Variants in SLC39A11 observed in about 807,000 individuals in gnomAD.
SLC39A11 encodes the protein solute carrier family 39 member 11.
SLC39A11 carries 33 observed loss-of-function variants against 36.1 expected under a neutral mutation model. The observed-to-expected ratio is 0.91, with a 90% CI of 0.69 to 1.22. The LOEUF (loss-of-function observed/expected upper bound fraction) is 1.22. SLC39A11 is among the 50% of genes most tolerant of loss of function. The pLI is 0.00. For synonymous variants in SLC39A11, 166 were observed against 170.3 expected (o/e 0.97, Z 0.20); for missense variants, 432 against 430.3 (o/e 1.00, Z -0.03).
intron 5 of SLC39A11, among the ~76,000 whole-genome samples, chr17:72,867,790 GCA>G (rs1269068062): frequency 6.8e-5 from 10 of 147,222 alleles, no homozygotes; most frequent in Non-Finnish European, 1.0e-4. Context: ...ACACACACAC[GCA>G]CACACACCTA....
intron 7 of SLC39A11, among the ~76,000 whole-genome samples, chr17:72,668,208 A>T (rs1265124094): frequency 1.3e-5 from 2 of 152,168 alleles, no homozygotes; most frequent in Non-Finnish European, 2.9e-5. Flanking sequence ...CTTTTAAAAA[A>T]AAAAAAGAAG....
In SLC39A11 at chr17:72,825,652, C is replaced by T. The variant is rs138806953; in HGVS notation, c.601+23982G>A. On this transcript the variant is annotated intron_variant, in intron 6 of 9. Transcript: ENST00000255559. ...GAAAAGCAGCCAAGAGGCTGTACCG[C>T]GCAGAGCCAAAGGGGCGGAGATGTC... 3.7e-4 allele frequency among the ~76,000 whole-genome samples: 57 copies of T among 152,350 alleles called. 1 individual carries two copies. The highest frequency in any genetic ancestry group is 6.2e-4 in the South Asian group (3 of 4,824).
At chr17:72,666,470 G>A (rs2070760572) in intron 7 of SLC39A11, among the ~76,000 whole-genome samples, 1 of 152,208 alleles carries the variant, frequency 6.6e-6, no homozygotes, top group Non-Finnish European at 1.5e-5. Context: ...TGAATGCTTT[G>A]CCGCTGAATA....
intron 5 of SLC39A11, among the ~76,000 whole-genome samples, chr17:72,938,196 A>G (rs2084889306): frequency 1.3e-5 from 2 of 152,216 alleles, no homozygotes; most frequent in African/African-American, 2.4e-5. Context: ...GAATGCTAGC[A>G]TACCTGCCAC....
rs978397063 is a variant in SLC39A11 at position 72,941,952 on chromosome 17, C to T, written c.430+5800G>A. Among the ~76,000 whole-genome samples, 8 of 152,056 alleles carry T rather than the reference C, an allele frequency of 5.3e-5. No individual in the cohort carries two copies. The South Asian group carries it at 1.7e-3, about 32-fold the overall frequency. ...CTGGAGTGCAGTGGCACAATCTCAG[C>T]TCACTGCAGCCTCTGCCTCCTGGGT... is the stretch of plus-strand genomic sequence containing the variant. On this transcript the variant is annotated intron_variant, in intron 5 of 9. Transcript: ENST00000255559.
chr17:72,767,919 C>T (rs1389572261), intron 6 of SLC39A11, among the ~76,000 whole-genome samples: 1 of 151,616 alleles, frequency 6.6e-6, no homozygotes, highest in Non-Finnish European at 1.5e-5. Context: ...AGAGTTAGTA[C>T]TCAAATCAAT....
chr17:72,817,348 G>A (rs2077616203), intron 6 of SLC39A11, among the ~76,000 whole-genome samples: 1 of 109,520 alleles, frequency 9.1e-6, no homozygotes, highest in African/African-American at 3.4e-5. Context: ...AAAGAAGGGG[G>A]AGGGGGAGGA....
intron 3 of SLC39A11, among the ~76,000 whole-genome samples, chr17:73,042,012 T>TA (rs145959505): frequency 0.043 from 6,443 of 150,776 alleles, 148 homozygotes; most frequent in Middle Eastern, 0.058. Flanking sequence ...TAGAATGATT[T>TA]AAAAAAAAAA....
intron 7 of SLC39A11, among the ~76,000 whole-genome samples, chr17:72,672,633 T>C (rs1435437115): frequency 2.0e-5 from 3 of 152,202 alleles, no homozygotes; most frequent in Non-Finnish European, 2.9e-5. Context: ...AGGGTCTTGC[T>C]TTGTCATCCA....
At chr17:72,724,399 G>A (rs2073837158) in intron 7 of SLC39A11, among the ~76,000 whole-genome samples, 1 of 152,152 alleles carries the variant, frequency 6.6e-6, no homozygotes, top group African/African-American at 2.4e-5. Flanking sequence ...AATGGGAGGG[G>A]CACTTCTTGC....
intron 3 of SLC39A11, among the ~76,000 whole-genome samples, chr17:73,042,361 A>G (rs2059137682): frequency 6.6e-6 from 1 of 152,216 alleles, no homozygotes; most frequent in South Asian, 2.1e-4. Flanking sequence ...CACAGTTCAA[A>G]AGAACAGCAC....
At chr17:73,016,291 A>G (rs145408360) in intron 4 of SLC39A11, among the ~76,000 whole-genome samples, 145 of 152,242 alleles carry the variant, frequency 9.5e-4, no homozygotes, top group African/African-American at 3.4e-3. Flanking sequence ...GTTCCACTCC[A>G]GTTCTCCTAA....
intron 5 of SLC39A11, among the ~76,000 whole-genome samples, chr17:72,879,468 C>T (rs530014498): frequency 3.9e-5 from 6 of 152,348 alleles, no homozygotes; most frequent in Non-Finnish European, 5.9e-5. Context: ...TTATATATTT[C>T]ACAATATCAC....
At chr17:72,841,168 A>G (rs2078789364) in intron 6 of SLC39A11, among the ~76,000 whole-genome samples, 1 of 152,242 alleles carries the variant, frequency 6.6e-6, no homozygotes, top group South Asian at 2.1e-4. Context: ...AGTATATAAT[A>G]CATATTGAAT....
chr17:72,921,640 T>C (rs2083674662), intron 5 of SLC39A11, among the ~76,000 whole-genome samples: 1 of 152,224 alleles, frequency 6.6e-6, no homozygotes. Flanking sequence ...TAAAGATCCA[T>C]AACTTTCACC....
chr17:72,741,901 A>C (rs184489108), intron 6 of SLC39A11, among the ~76,000 whole-genome samples: 1 of 152,236 alleles, frequency 6.6e-6, no homozygotes, highest in South Asian at 2.1e-4. Context: ...AAAAGAGGTA[A>C]GCAAGAATGA....
At chr17:72,842,118 G>A (rs536524510) in intron 6 of SLC39A11, among the ~76,000 whole-genome samples, 1 of 141,238 alleles carries the variant, frequency 7.1e-6, no homozygotes, top group Admixed American at 7.2e-5. Context: ...ACGCGCATAT[G>A]TATTTCATGG....
intron 6 of SLC39A11, among the ~76,000 whole-genome samples, chr17:72,792,130 G>A (rs1468866052): frequency 1.3e-5 from 2 of 152,186 alleles, no homozygotes; most frequent in South Asian, 2.1e-4. Flanking sequence ...AATAGTGTGA[G>A]ACAGCTGAAC....
intron 5 of SLC39A11, among the ~76,000 whole-genome samples, chr17:72,851,601 T>A (rs753386242): frequency 7.9e-5 from 12 of 152,188 alleles, no homozygotes; most frequent in Non-Finnish European, 1.0e-4. Flanking sequence ...AATGAAAATC[T>A]CATTAGGAGT....
Sources: gnomAD v4.1 joint callset for allele counts (sites outside exome capture counted in the v4.1 genomes callset) on GRCh38, gnomAD v4.1.1 for gene constraint, MANE v1.5 for transcripts, NCBI Gene and HGNC (gene_info 2026-07-23, HGNC 2026-07-21) for gene names.